ANKRD30A: variants seen among roughly 807,000 people sequenced by gnomAD.
ANKRD30A encodes ankyrin repeat domain 30A.
In ANKRD30A, 170 loss-of-function variants were observed where a neutral mutation model predicts 166.3. The ratio of observed to expected loss-of-function variants is 1.02; its 90% CI spans 0.90 to 1.16. The LOEUF is 1.16. Among genes scored for constraint, ANKRD30A ranks in the 50% most tolerant of loss-of-function variants. ANKRD30A has a pLI of 0.00. For synonymous variants in ANKRD30A, 564 were observed against 508.9 expected (o/e 1.11, Z -1.46); for missense variants, 1,630 against 1,518.0 (o/e 1.07, Z -1.23).
intron 25 of ANKRD30A, among the ~76,000 whole-genome samples, chr10:37,192,762 C>T (rs996917184): frequency 2.6e-5 from 4 of 152,078 alleles, no homozygotes; most frequent in East Asian, 1.9e-4. Flanking sequence ...TTTCCTTATA[C>T]GGCCGCTTTC....
Position 37,162,695 on chromosome 10 carries a change from T to C in ANKRD30A, c.1929+18T>C, listed in dbSNP as rs1588840145. The C allele has an allele frequency of 6.2e-7, 1 of 1,612,976 alleles. No individual in the cohort carries two copies. Among genetic ancestry groups the C allele is most frequent in the Non-Finnish European group, 8.5e-7 (1 of 1,179,784 alleles). On this transcript the variant is annotated intron_variant, in intron 16 of 35. Coordinates refer to ENST00000361713, the MANE Select transcript of ANKRD30A (RefSeq NM_052997.3). Reference sequence around the variant, plus strand: ...CCTTCGAGGTATTTAGTTTTATGATTTCATTTTGAATGACTTATTATCTAT... The same window carrying C: ...CCTTCGAGGTATTTAGTTTTATGATCTCATTTTGAATGACTTATTATCTAT...
chr10:37,183,653 G>C (rs949828493), intron 24 of ANKRD30A, among the ~76,000 whole-genome samples: 3 of 147,750 alleles, frequency 2.0e-5, no homozygotes, highest in African/African-American at 7.4e-5. Context: ...ATGGGAAGAA[G>C]TAGTTCAGTT....
intron 29 of ANKRD30A, among the ~76,000 whole-genome samples, chr10:37,197,971 C>A (rs1414005843): frequency 6.6e-6 from 1 of 151,624 alleles, no homozygotes; most frequent in Non-Finnish European, 1.5e-5. Flanking sequence ...TGTGTGTCTG[C>A]GTGTGTGCCT....
At chr10:37,199,342 A>C (rs1841428802) in intron 29 of ANKRD30A, among the ~76,000 whole-genome samples, 1 of 152,062 alleles carries the variant, frequency 6.6e-6, no homozygotes, top group Non-Finnish European at 1.5e-5. Context: ...TGAGTCAATC[A>C]ACGTAAGTAA....
At chr10:37,167,832 A>G (rs1588855789) in intron 19 of ANKRD30A, among the ~76,000 whole-genome samples, 1 of 146,644 alleles carries the variant, frequency 6.8e-6, no homozygotes, top group Admixed American at 6.9e-5. Context: ...TGTCAATTCT[A>G]CATTCAGCTG....
chr10:37,252,596 T>G, the ANKRD30A span, among the ~76,000 whole-genome samples: 2 of 152,174 alleles, frequency 1.3e-5, no homozygotes, highest in Non-Finnish European at 2.9e-5. Context: ...GTCTAATTTT[T>G]TTTCCTCTGA....
chr10:37,209,369 A>G (rs1256594554), intron 31 of ANKRD30A, among the ~76,000 whole-genome samples: 3 of 152,100 alleles, frequency 2.0e-5, no homozygotes, highest in Non-Finnish European at 4.4e-5. Flanking sequence ...GGAAGCTTAC[A>G]ATTATGGTGG....
intron 34 of ANKRD30A, among the ~76,000 whole-genome samples, chr10:37,220,906 C>T (rs1195483197): frequency 2.0e-5 from 3 of 151,122 alleles, no homozygotes; most frequent in African/African-American, 7.3e-5. Context: ...TACTTTTATT[C>T]TGAGATAGAA....
At chr10:37,261,556 A>T in the ANKRD30A span, among the ~76,000 whole-genome samples, 1 of 152,212 alleles carries the variant, frequency 6.6e-6, no homozygotes. Flanking sequence ...ATAATTTCTT[A>T]TTCCTTATCA....
intron 31 of ANKRD30A, among the ~76,000 whole-genome samples, chr10:37,203,916 G>T (rs1169408150): frequency 6.6e-6 from 1 of 152,084 alleles, no homozygotes; most frequent in Non-Finnish European, 1.5e-5. Context: ...AAATATCTAG[G>T]AATCCAACTT....
chr10:37,262,865 A>C, the ANKRD30A span, among the ~76,000 whole-genome samples: 1 of 152,178 alleles, frequency 6.6e-6, no homozygotes, highest in Non-Finnish European at 1.5e-5. Flanking sequence ...TAATTTTATC[A>C]TCAAGAGACA....
At chr10:37,197,684 T>C (rs1841251802) in intron 29 of ANKRD30A, among the ~76,000 whole-genome samples, 1 of 152,174 alleles carries the variant, frequency 6.6e-6, no homozygotes, top group Admixed American at 6.5e-5. Context: ...GTAGCCTTAA[T>C]CTCAGATGTT....
At chr10:37,243,281 C>A in the ANKRD30A span, among the ~76,000 whole-genome samples, 1 of 150,464 alleles carries the variant, frequency 6.6e-6, no homozygotes, top group Non-Finnish European at 1.5e-5. Flanking sequence ...ACTACAGGCG[C>A]CTGCCACCAC....
At chr10:37,159,345 C>T (rs1245225471) in intron 15 of ANKRD30A, among the ~76,000 whole-genome samples, 3 of 152,014 alleles carry the variant, frequency 2.0e-5, no homozygotes, top group Non-Finnish European at 2.9e-5. Flanking sequence ...AGTGAAACCC[C>T]ATCTCTACTA....
intron 29 of ANKRD30A, among the ~76,000 whole-genome samples, chr10:37,198,561 A>T (rs115394972): frequency 7.8e-4 from 118 of 152,154 alleles, no homozygotes; most frequent in African/African-American, 2.8e-3. Context: ...GCATTCCACC[A>T]AGAATTTGAA....
In ANKRD30A at chr10:37,218,974, A is replaced by G; in HGVS notation, c.3268-6A>G. The G allele has an allele frequency of 6.4e-7, 1 of 1,554,428 alleles. No homozygotes were observed. The highest frequency in any genetic ancestry group is 8.7e-7 in the Non-Finnish European group (1 of 1,150,306). On this transcript the variant is annotated splice_polypyrimidine_tract_variant and splice_region_variant and intron_variant, in intron 33 of 35. Coordinates refer to ENST00000361713, the MANE Select transcript of ANKRD30A (RefSeq NM_052997.3). ...GCTAGCTAAAAGTTTATTTTGTTTT[A>G]TTTAGGTTTCTCACACTCATGAAAA...
chr10:37,242,313 C>T, the ANKRD30A span, among the ~76,000 whole-genome samples: 1 of 152,128 alleles, frequency 6.6e-6, no homozygotes, highest in Admixed American at 6.5e-5. Flanking sequence ...CTTATTGCAT[C>T]CTATCATTGG....
intron 12 of ANKRD30A, among the ~76,000 whole-genome samples, chr10:37,153,151 G>T (rs17606110): frequency 4.0e-4 from 61 of 152,228 alleles, no homozygotes; most frequent in African/African-American, 1.3e-3. Flanking sequence ...AAACAGTTCT[G>T]TGATCATGAA....
Position 37,219,607 on chromosome 10 carries a change from G to A in ANKRD30A, c.3895G>A (p.Glu1299Lys). 6.2e-7 allele frequency: 1 copy of A among 1,610,232 alleles called. No individual in the cohort carries two copies. The highest frequency in any genetic ancestry group is 8.5e-7 in the Non-Finnish European group (1 of 1,177,634). The change falls in exon 34 of 36, where the codon GAA becomes AAA. Residue 1299 changes from glutamate (E) to lysine (K), a missense_variant. Physicochemically the swap from Glu to Lys is moderately conservative, Grantham distance 56 (BLOSUM62 1). Transcript: ENST00000361713. ...RETQCQMKEA[E>K]HMYQNEQDNV... is the part of the protein sequence containing the mutation. The stretch of plus-strand genomic sequence containing the variant: ...AACACAGTGTCAAATGAAGGAAGCT[G>A]AACACATGTATCAAAACGAACAAGA...
Sources: gnomAD v4.1 joint callset for allele counts (sites outside exome capture counted in the v4.1 genomes callset) on GRCh38, gnomAD v4.1.1 for gene constraint, MANE v1.5 for transcripts, NCBI Gene and HGNC (gene_info 2026-07-23, HGNC 2026-07-21) for gene names.